SYT16: variants seen among roughly 807,000 people sequenced by gnomAD.
SYT16 encodes the protein synaptotagmin 16, also known as synaptotagmin-16.
In SYT16, 42 loss-of-function variants were observed where a neutral mutation model predicts 61.4. The observed-to-expected ratio is 0.68, with a 90% CI of 0.53 to 0.89. SYT16 has a LOEUF of 0.89. Ranked by LOEUF, SYT16 falls within the 40% of genes least tolerant of loss-of-function variation. The pLI, the probability that SYT16 is intolerant of heterozygous loss-of-function variation, is 0.00. For missense variants in SYT16, 804 were observed against 807.3 expected, an observed-to-expected ratio of 1.00 and a Z score of 0.05; for synonymous variants, 314 against 302.3, an observed-to-expected ratio of 1.04 and a Z score of -0.40.
chr14:61,891,346 G>A (rs2048125460), intron 1 of SYT16, among the ~76,000 whole-genome samples: 1 of 151,634 alleles, frequency 6.6e-6, no homozygotes, highest in South Asian at 2.1e-4. Context: ...GCAAACTTGA[G>A]CATTGATTCA....
intron 7 of SYT16, among the ~76,000 whole-genome samples, chr14:62,098,164 G>T (rs2141017337): frequency 6.6e-6 from 1 of 152,318 alleles, no homozygotes; most frequent in Non-Finnish European, 1.5e-5. Flanking sequence ...ATCTTACAAT[G>T]CTTTTGGAGA....
chr14:61,932,737 C>T (rs1336039307), intron 1 of SYT16, among the ~76,000 whole-genome samples: 2 of 152,158 alleles, frequency 1.3e-5, no homozygotes, highest in Non-Finnish European at 2.9e-5. Flanking sequence ...TTCTCTCTCC[C>T]TTACACCCCT....
chr14:61,951,920 G>A (rs1389033472), intron 1 of SYT16, among the ~76,000 whole-genome samples: 1 of 152,088 alleles, frequency 6.6e-6, no homozygotes, highest in Non-Finnish European at 1.5e-5. Context: ...CTCCCGAATA[G>A]CTGGTACTAC....
chr14:61,835,905 A>C (rs1037492720), intron 1 of SYT16, among the ~76,000 whole-genome samples: 1 of 152,204 alleles, frequency 6.6e-6, no homozygotes, highest in Admixed American at 6.5e-5. Flanking sequence ...TTCTCAATTT[A>C]CATGTCCCAG....
rs574284502 is a variant in SYT16 at position 62,098,769 on chromosome 14, G to C, written c.1625-1625G>C. Among the ~76,000 whole-genome samples the C allele has an allele frequency of 2.2e-3, 328 of 152,324 alleles. 6 individuals are homozygous for C. The highest frequency in any genetic ancestry group is 0.017 in the Middle Eastern group (5 of 294). ...CTGCATCTTTGCAGACAAATAGGCA[G>C]CGATAATACTGGTGATAAGTGCTGA... is the stretch of plus-strand genomic sequence containing the variant. On this transcript the variant is annotated intron_variant, in intron 7 of 7. Transcript: ENST00000683842.
intron 1 of SYT16, among the ~76,000 whole-genome samples, chr14:61,875,909 A>G (rs2047474038): frequency 1.3e-5 from 2 of 152,196 alleles, no homozygotes. Flanking sequence ...AAGCTGGGAA[A>G]GCAAGTCTTT....
chr14:62,089,842 A>G (rs893537403), intron 7 of SYT16, among the ~76,000 whole-genome samples: 5 of 152,240 alleles, frequency 3.3e-5, no homozygotes, highest in African/African-American at 1.2e-4. Flanking sequence ...TGTCTAGCAG[A>G]CATCTGAAAT....
At chr14:62,065,957 C>T (rs2056043675) in intron 3 of SYT16, among the ~76,000 whole-genome samples, 1 of 152,164 alleles carries the variant, frequency 6.6e-6, no homozygotes, top group African/African-American at 2.4e-5. Context: ...GGTTTTCAAG[C>T]CCTACTGTGG....
At chr14:61,839,680 G>T (rs1438602602) in intron 1 of SYT16, among the ~76,000 whole-genome samples, 1 of 152,126 alleles carries the variant, frequency 6.6e-6, no homozygotes, top group Admixed American at 6.5e-5. Flanking sequence ...TGTGAACTGG[G>T]TTGGAGCCCA....
intron 1 of SYT16, among the ~76,000 whole-genome samples, chr14:61,895,878 A>G (rs2048306891): frequency 6.6e-6 from 1 of 152,144 alleles, no homozygotes; most frequent in African/African-American, 2.4e-5. Flanking sequence ...TTATTTAGGA[A>G]TTTTTTTCTA....
intron 3 of SYT16, among the ~76,000 whole-genome samples, chr14:62,048,211 G>T (rs920742454): frequency 2.6e-5 from 4 of 152,176 alleles, no homozygotes; most frequent in Non-Finnish European, 2.9e-5. Flanking sequence ...TTGGGAGGGT[G>T]TATGTGTCTA....
intron 2 of SYT16, among the ~76,000 whole-genome samples, chr14:61,978,615 T>G (rs2051921812): frequency 6.6e-6 from 1 of 152,160 alleles, no homozygotes; most frequent in Admixed American, 6.5e-5. Flanking sequence ...TGTGGCCAGG[T>G]GGAGAACCAT....
chr14:62,039,877 A>G (rs931350993), intron 3 of SYT16, among the ~76,000 whole-genome samples: 5 of 74,942 alleles, frequency 6.7e-5, no homozygotes, highest in Non-Finnish European at 1.8e-4. Flanking sequence ...ACACACACAC[A>G]CGCACATACA....
intron 1 of SYT16, among the ~76,000 whole-genome samples, chr14:61,831,036 G>A (rs1450239840): frequency 6.6e-6 from 1 of 152,236 alleles, no homozygotes; most frequent in Non-Finnish European, 1.5e-5. Flanking sequence ...CTTTGGCTAA[G>A]GGGATGGATT....
intron 3 of SYT16, among the ~76,000 whole-genome samples, chr14:62,041,407 A>G (rs1430605075): frequency 6.6e-6 from 1 of 152,188 alleles, no homozygotes; most frequent in East Asian, 1.9e-4. Context: ...AATTTATTAT[A>G]TGCCTTGATA....
intron 2 of SYT16, among the ~76,000 whole-genome samples, chr14:61,975,564 G>A (rs1595061063): frequency 6.6e-6 from 1 of 152,162 alleles, no homozygotes; most frequent in South Asian, 2.1e-4. Context: ...AAGTGAAGGG[G>A]GAAGAGTGCC....
intron 7 of SYT16, among the ~76,000 whole-genome samples, chr14:62,091,954 TAACA>T (rs2057092036): frequency 6.6e-6 from 1 of 152,012 alleles, no homozygotes; most frequent in Non-Finnish European, 1.5e-5. Flanking sequence ...ATATATCTGA[TAACA>T]AACTAATATC....
intron 1 of SYT16, among the ~76,000 whole-genome samples, chr14:61,896,878 A>C (rs1432515489): frequency 3.3e-5 from 5 of 152,142 alleles, no homozygotes; most frequent in Admixed American, 2.6e-4. Context: ...ATGGTTAATA[A>C]AGTTTCCTTT....
At chr14:61,930,563 T>C (rs2049723306) in intron 1 of SYT16, among the ~76,000 whole-genome samples, 1 of 152,110 alleles carries the variant, frequency 6.6e-6, no homozygotes, top group South Asian at 2.1e-4. Context: ...AATTTTTAAA[T>C]GGTTCTAGTA....
Sources: gnomAD v4.1 joint callset for allele counts (sites outside exome capture counted in the v4.1 genomes callset) on GRCh38, gnomAD v4.1.1 for gene constraint, MANE v1.5 for transcripts, NCBI Gene and HGNC (gene_info 2026-07-23, HGNC 2026-07-21) for gene names.